Variants in EEPD1 observed in about 807,000 individuals in gnomAD.
EEPD1 encodes the protein endonuclease/exonuclease/phosphatase family domain containing 1.
In EEPD1, 17 loss-of-function variants were observed where a neutral mutation model predicts 46.3. That is an observed-to-expected ratio of 0.37 (90% CI 0.25 to 0.55). The LOEUF (loss-of-function observed/expected upper bound fraction) is 0.55, where lower values mean the gene tolerates loss of function less well. EEPD1 is among the 20% of genes least tolerant of loss of function. The pLI, the probability that EEPD1 is intolerant of heterozygous loss-of-function variation, is 0.83. For synonymous variants in EEPD1, 313 were observed against 315.6 expected (o/e 0.99, Z 0.09); for missense variants, 673 against 745.6 (o/e 0.90, Z 1.13).
At chr7:36,159,658 G>A (rs369818651) in intron 2 of EEPD1, among the ~76,000 whole-genome samples, 16 of 152,302 alleles carry the variant, frequency 1.1e-4, no homozygotes, top group African/African-American at 3.6e-4. Context: ...CCTGCCTTTG[G>A]CTGGCCAGGT....
Position 36,154,070 on chromosome 7 carries a change from A to C in EEPD1, c.-192-63A>C. 1 of 533,260 alleles carries C rather than the reference A, an allele frequency of 1.9e-6. No homozygotes were observed. The highest frequency in any genetic ancestry group is 3.3e-6 in the Non-Finnish European group (1 of 299,806). The allele number at this position is 533,260 out of a possible 1,614,324, so 33.0% of individuals were successfully genotyped here. A position where few individuals can be genotyped will look rare whatever the true frequency, so the allele number is the denominator to read the frequency against. ...CTGGTTACTAACTCTAGCACTAGGT[A>C]GGGGGTGCTAATGCAAATTTCTTAA... On this transcript the variant is annotated intron_variant, in intron 1 of 7. Transcript: ENST00000242108. The surrounding 1 kb of genome is among the most constrained non-coding windows in gnomAD (Gnocchi z 4.2).
intron 2 of EEPD1, among the ~76,000 whole-genome samples, chr7:36,162,282 G>C (rs1784910848): frequency 6.6e-6 from 1 of 152,200 alleles, no homozygotes; most frequent in South Asian, 2.1e-4. Context: ...ACCCTGGAGA[G>C]GTGTGCTCAG....
At chr7:36,274,706 A>G (rs192592095) in intron 3 of EEPD1, among the ~76,000 whole-genome samples, 1 of 151,300 alleles carries the variant, frequency 6.6e-6, no homozygotes, top group East Asian at 1.9e-4. Context: ...CTGTCCCTCC[A>G]TTGACATTTT....
chr7:36,297,165 A>C lies in EEPD1; in HGVS notation c.1488A>C (p.Lys496Asn). 1.2e-6 allele frequency: 2 copies of C among 1,614,166 alleles called. No individual in the cohort carries two copies. Among genetic ancestry groups the C allele is most frequent in the Non-Finnish European group, 1.7e-6 (2 of 1,180,032 alleles). The change falls in exon 7 of 8, where the codon AAA becomes AAC. Residue 496 changes from lysine to asparagine, a missense_variant. Lys to Asn is a moderately conservative substitution (Grantham distance 94). Transcript: ENST00000242108. ...SKSLDNIWIS[K>N]SLKKVFTGHW... is the part of the protein sequence containing the mutation. ...CTCTGGACAACATCTGGATCAGTAA[A>C]AGCTTAAAGAAGGTTTTCACAGGTG...
In EEPD1 at chr7:36,281,436, G is replaced by A. The variant is rs181554253; in HGVS notation, c.1041+211G>A. On this transcript the variant is annotated intron_variant, in intron 4 of 7. Coordinates refer to ENST00000242108, the MANE Select transcript of EEPD1 (RefSeq NM_030636.3). ...AATGGACTCCTGCCAAGAAGGAAAT[G>A]AGAGCTTAGGGTGTTGGGAGGAGAG... is the stretch of plus-strand genomic sequence containing the variant. 2.7e-4 allele frequency among the ~76,000 whole-genome samples: 41 copies of A among 152,288 alleles called. No homozygotes were observed. The East Asian group carries it at 6.8e-3, about 25-fold the overall frequency.
chr7:36,220,281 TGGC>T (rs1292137872), intron 2 of EEPD1, among the ~76,000 whole-genome samples: 1 of 152,190 alleles, frequency 6.6e-6, no homozygotes, highest in African/African-American at 2.4e-5. Flanking sequence ...ATTGAGCAGA[TGGC>T]TCCTTCTTGG....
intron 3 of EEPD1, among the ~76,000 whole-genome samples, chr7:36,247,089 C>T (rs1156759658): frequency 3.5e-5 from 5 of 142,494 alleles, no homozygotes; most frequent in African/African-American, 5.3e-5. Flanking sequence ...CACCATTGCA[C>T]TACAGCCTGG....
chr7:36,215,416 T>C (rs1160806587), intron 2 of EEPD1, among the ~76,000 whole-genome samples: 2 of 152,184 alleles, frequency 1.3e-5, no homozygotes, highest in African/African-American at 4.8e-5. Flanking sequence ...GCAGCAGATG[T>C]TAATTGCTGG....
chr7:36,284,665 C>G (rs1346771160), intron 4 of EEPD1, 21 bp from the exon 5 acceptor site: 1 of 1,607,220 alleles, frequency 6.2e-7, no homozygotes, highest in Non-Finnish European at 8.5e-7. Flanking sequence ...CACCAAGACT[C>G]TGTCTCCCTC....
At chr7:36,252,282 G>C (rs952936295) in intron 3 of EEPD1, among the ~76,000 whole-genome samples, 1 of 152,218 alleles carries the variant, frequency 6.6e-6, no homozygotes, top group Non-Finnish European at 1.5e-5. Flanking sequence ...TTTTGCAGTT[G>C]TTTGGGTCTA....
rs1267079259 is a variant in EEPD1, at chr7:36,226,276, G to A, written c.879-12709G>A. Among the ~76,000 whole-genome samples the A allele has an allele frequency of 2.6e-5, 4 of 152,290 alleles. No homozygotes were observed. In the East Asian group the frequency reaches 7.7e-4, roughly 29 times the overall value. On this transcript the variant is annotated intron_variant, in intron 2 of 7. Transcript: ENST00000242108. ...CAAGAAGTGTTAGTGGCTAAAGAAAGGCTCTGAATGATGAGTACTAATAGC... is the reference window on the plus strand; with the variant it reads ...CAAGAAGTGTTAGTGGCTAAAGAAAAGCTCTGAATGATGAGTACTAATAGC...
chr7:36,197,044 A>C (rs373052734), intron 2 of EEPD1, among the ~76,000 whole-genome samples: 11,232 of 142,762 alleles, frequency 0.079, 579 homozygotes, highest in Middle Eastern at 0.15. Context: ...GGATGTGAGG[A>C]GCGCCTCGGC....
In EEPD1 at chr7:36,247,050, G is replaced by C. The variant is rs112540504; in HGVS notation, c.930+8014G>C. ...CTGAGGCAGAATTGCTTGATCCTGG[G>C]AGGCAGAGGTTGCAGTGAGCTGAGA... On this transcript the variant is annotated intron_variant, in intron 3 of 7. Coordinates refer to ENST00000242108, the MANE Select transcript of EEPD1 (RefSeq NM_030636.3). 4.1e-3 allele frequency among the ~76,000 whole-genome samples: 617 copies of C among 151,622 alleles called. 5 individuals are homozygous for C. The highest frequency in any genetic ancestry group is 0.014 in the African/African-American group (597 of 41,316).
intron 2 of EEPD1, chr7:36,230,625 G>C (rs989365449): frequency 3.9e-5 from 6 of 152,126 alleles, no homozygotes; most frequent in African/African-American, 1.4e-4. Flanking sequence ...TGAGCTGATG[G>C]GCTACTCCTC....
intron 2 of EEPD1, among the ~76,000 whole-genome samples, chr7:36,199,309 G>T (rs1223758042): frequency 1.3e-5 from 2 of 152,156 alleles, no homozygotes; most frequent in Non-Finnish European, 2.9e-5. Flanking sequence ...TTGGTGATAA[G>T]AATTTTTTGG....
intron 3 of EEPD1, among the ~76,000 whole-genome samples, chr7:36,260,169 A>G (rs1335388895): frequency 6.6e-6 from 1 of 152,238 alleles, no homozygotes; most frequent in East Asian, 1.9e-4. Flanking sequence ...ATTTTGTCAT[A>G]GGGATTCCAC....
chr7:36,213,493 T>C (rs910541277), intron 2 of EEPD1, among the ~76,000 whole-genome samples: 1 of 152,158 alleles, frequency 6.6e-6, no homozygotes, highest in Non-Finnish European at 1.5e-5. Context: ...AAAGCGAGGA[T>C]TGGACAGAAA....
intron 5 of EEPD1, among the ~76,000 whole-genome samples, chr7:36,285,979 T>C (rs1787336734): frequency 6.6e-6 from 1 of 152,180 alleles, no homozygotes; most frequent in South Asian, 2.1e-4. Context: ...CCATGGGTTG[T>C]ATCTGTGGTA....
In EEPD1 at chr7:36,284,673, C is replaced by T. The variant is rs773418360; in HGVS notation, c.1042-13C>T. On this transcript the variant is annotated splice_polypyrimidine_tract_variant and intron_variant, in intron 4 of 7. Coordinates refer to ENST00000242108, the MANE Select transcript of EEPD1 (RefSeq NM_030636.3). ...GCTCTGGCACCAAGACTCTGTCTCCCTCTCCGCTGCAGGGAGCTGGGTATG... is the reference window on the plus strand; with the variant it reads ...GCTCTGGCACCAAGACTCTGTCTCCTTCTCCGCTGCAGGGAGCTGGGTATG... The T allele has an allele frequency of 2.5e-5, 41 of 1,609,248 alleles. No individual in the cohort carries two copies. Among genetic ancestry groups the T allele is most frequent in the Non-Finnish European group, 3.1e-5 (36 of 1,177,830 alleles).
Sources: gnomAD v4.1 joint callset for allele counts (sites outside exome capture counted in the v4.1 genomes callset) on GRCh38, gnomAD v4.1.1 for gene constraint, Gnocchi (gnomAD v3.1) non-coding constraint, MANE v1.5 for transcripts, NCBI Gene and HGNC (gene_info 2026-07-23, HGNC 2026-07-21) for gene names.